RERG: variants seen among roughly 807,000 people sequenced by gnomAD.
RERG encodes the protein RAS like estrogen regulated growth inhibitor.
A neutral mutation model predicts 23.2 loss-of-function variants in RERG; 25 were observed. The observed-to-expected ratio is 1.08, with a 90% CI of 0.79 to 1.50. RERG has a LOEUF of 1.50. Ranked by LOEUF, RERG falls within the 40% of genes most tolerant of loss-of-function variation. The pLI is 0.00. For missense variants in RERG, 253 were observed against 250.1 expected, an observed-to-expected ratio of 1.01 and a Z score of -0.08; for synonymous variants, 81 against 89.1, an observed-to-expected ratio of 0.91 and a Z score of 0.51.
chr12:15,135,211 C>T (rs1864123139), intron 2 of RERG, among the ~76,000 whole-genome samples: 1 of 152,094 alleles, frequency 6.6e-6, no homozygotes. Context: ...TTTTAAATTT[C>T]AACATTTGTT....
At chr12:15,165,845 A>C (rs1052140272) in intron 2 of RERG, among the ~76,000 whole-genome samples, 1 of 152,166 alleles carries the variant, frequency 6.6e-6, no homozygotes, top group African/African-American at 2.4e-5. Context: ...CAATCCTAGG[A>C]TCTTATCCTC....
Position 15,109,014 on chromosome 12 carries a change from A to G in RERG, c.*96T>C. The G allele has an allele frequency of 7.9e-7, 1 of 1,261,460 alleles. No individual in the cohort carries two copies. 78.1% of individuals were successfully genotyped at this position (1,261,460 alleles called of 1,614,324 possible). A position where few individuals can be genotyped will look rare whatever the true frequency, so the allele number is the denominator to read the frequency against. ...ATGGGAAGCCCAGACATTTCTCAGA[A>G]TCCAAACAAAGAATGCAATATTTTG... is the stretch of plus-strand genomic sequence containing the variant. On this transcript the variant is annotated 3_prime_UTR_variant, in exon 5 of 5. Transcript: ENST00000256953.
intron 3 of RERG, among the ~76,000 whole-genome samples, chr12:15,118,404 T>C (rs1457582399): frequency 6.6e-6 from 1 of 152,200 alleles, no homozygotes; most frequent in Non-Finnish European, 1.5e-5. Flanking sequence ...CCCATGTTTC[T>C]CAGGAAAGCA....
rs190299650 is a variant in RERG at position 15,205,268 on chromosome 12, G to T, written c.61+12161C>A. On this transcript the variant is annotated intron_variant, in intron 2 of 4. Transcript: ENST00000256953. Reference sequence around the variant, plus strand: ...CCCACAAATATTAGCATTTTATTGGGCTTATAGAGGGAGGACTGAAGAAAG... The same window carrying T: ...CCCACAAATATTAGCATTTTATTGGTCTTATAGAGGGAGGACTGAAGAAAG... Among the ~76,000 whole-genome samples, 663 of 151,986 alleles carry T rather than the reference G, an allele frequency of 4.4e-3. 4 individuals carry two copies. Among genetic ancestry groups the T allele is most frequent in the African/African-American group, 0.015 (634 of 41,500 alleles).
chr12:15,184,749 T>C (rs1864967812), intron 2 of RERG, among the ~76,000 whole-genome samples: 1 of 152,190 alleles, frequency 6.6e-6, no homozygotes, highest in Admixed American at 6.6e-5. Flanking sequence ...GGAAATTATG[T>C]GATTTTCCCT....
At chr12:15,220,503 T>C (rs1039288806) in intron 1 of RERG, among the ~76,000 whole-genome samples, 1 of 152,182 alleles carries the variant, frequency 6.6e-6, no homozygotes, top group African/African-American at 2.4e-5. Flanking sequence ...GTTAGACCTA[T>C]GATATTTAGA....
intron 2 of RERG, among the ~76,000 whole-genome samples, chr12:15,164,040 G>A (rs1864652023): frequency 2.0e-5 from 3 of 152,142 alleles, no homozygotes; most frequent in Non-Finnish European, 4.4e-5. Context: ...AGAGAGACAA[G>A]GAAATGCAGT....
chr12:15,187,042 T>C (rs1380148981), intron 2 of RERG, among the ~76,000 whole-genome samples: 1 of 152,178 alleles, frequency 6.6e-6, no homozygotes, highest in Admixed American at 6.5e-5. Context: ...AATTAGACTA[T>C]CTAGTTCATC....
chr12:15,169,404 C>T (rs937969408), intron 2 of RERG, among the ~76,000 whole-genome samples: 6 of 152,158 alleles, frequency 3.9e-5, no homozygotes, highest in South Asian at 2.1e-4. Flanking sequence ...CTTTGAGGCC[C>T]GGACCAGAAG....
At chr12:15,158,827 CTTTATTTTATTAAGGTGGCATTATTTTAT>C (rs1864562277) in intron 2 of RERG, among the ~76,000 whole-genome samples, 2 of 152,046 alleles carry the variant, frequency 1.3e-5, no homozygotes, top group Admixed American at 6.6e-5. Context: ...GTGACATGAA[CTTTATTTTATTAAGGTGGCATTATTTTAT>C]TTTATTTTAT....
chr12:15,165,208 G>C (rs940487732), intron 2 of RERG, among the ~76,000 whole-genome samples: 1 of 152,022 alleles, frequency 6.6e-6, no homozygotes, highest in Non-Finnish European at 1.5e-5. Context: ...TTTGAGCGGC[G>C]ACCACTCAAA....
intron 2 of RERG, among the ~76,000 whole-genome samples, chr12:15,144,713 T>C (rs1490096853): frequency 6.6e-6 from 1 of 152,166 alleles, no homozygotes; most frequent in East Asian, 1.9e-4. Flanking sequence ...AATCTAGGCT[T>C]TCAAGCTATT....
At chr12:15,156,295 G>A (rs1458600013) in intron 2 of RERG, among the ~76,000 whole-genome samples, 2 of 152,064 alleles carry the variant, frequency 1.3e-5, no homozygotes, top group Admixed American at 6.6e-5. Flanking sequence ...GTCATTTAAG[G>A]GTGCATGAAA....
chr12:15,129,761 G>A (rs1864011791), intron 2 of RERG, among the ~76,000 whole-genome samples: 1 of 152,082 alleles, frequency 6.6e-6, no homozygotes. Context: ...GTCAGGTTGT[G>A]AGGTTCTTTA....
intron 2 of RERG, among the ~76,000 whole-genome samples, chr12:15,161,761 C>A (rs949414046): frequency 6.6e-6 from 1 of 152,036 alleles, no homozygotes; most frequent in Admixed American, 6.6e-5. Flanking sequence ...ATCAATACTA[C>A]CAATAACAAT....
At chr12:15,211,159 C>T (rs1865360494) in intron 2 of RERG, among the ~76,000 whole-genome samples, 1 of 152,060 alleles carries the variant, frequency 6.6e-6, no homozygotes, top group South Asian at 2.1e-4. Context: ...AGCAAATTTA[C>T]CACAAAGATT....
chr12:15,188,326 G>A (rs1245875039), intron 2 of RERG, among the ~76,000 whole-genome samples: 2 of 152,156 alleles, frequency 1.3e-5, no homozygotes, highest in Non-Finnish European at 2.9e-5. Flanking sequence ...TCTGTCCAGA[G>A]ACCCAAGCTT....
chr12:15,197,121 G>T (rs1249843698), intron 2 of RERG, among the ~76,000 whole-genome samples: 1 of 152,090 alleles, frequency 6.6e-6, no homozygotes, highest in Non-Finnish European at 1.5e-5. Context: ...AATATTTACT[G>T]AGCAACTAGA....
chr12:15,174,901 T>C (rs191427504), intron 2 of RERG, among the ~76,000 whole-genome samples: 1 of 152,304 alleles, frequency 6.6e-6, no homozygotes, highest in East Asian at 1.9e-4. Context: ...CTATTAGTTC[T>C]TTAAACACTT....
Sources: allele counts gnomAD v4.1 joint callset (sites outside exome capture counted in the v4.1 genomes callset), GRCh38; gene constraint gnomAD v4.1.1; transcripts MANE v1.5; gene names NCBI Gene and HGNC (gene_info 2026-07-23, HGNC 2026-07-21).